The following SBF2 variants were observed in gnomAD, a reference collection of about 807,000 sequenced individuals.
SBF2 encodes myotubularin-related protein 13.
Under a neutral mutation model 225.2 loss-of-function variants are expected in SBF2, and 112 were observed. The observed-to-expected ratio is 0.50, with a 90% CI of 0.43 to 0.58. The LOEUF (loss-of-function observed/expected upper bound fraction) is 0.58, where lower values mean the gene tolerates loss of function less well. Ranked by LOEUF, SBF2 falls within the 20% of genes least tolerant of loss-of-function variation. SBF2 has a pLI of 0.00. For missense variants in SBF2, 1,996 were observed against 2,206.2 expected (o/e 0.90, Z 1.91); for synonymous variants, 763 against 773.3 (o/e 0.99, Z 0.22).
intron 17 of SBF2, among the ~76,000 whole-genome samples, chr11:9,863,632 G>C (rs1254027051): frequency 6.6e-6 from 1 of 151,976 alleles, no homozygotes; most frequent in Non-Finnish European, 1.5e-5. Context: ...GATGAAATTG[G>C]GAGTCTTTCT....
At chr11:9,930,601 T>C (rs548246604) in intron 16 of SBF2, among the ~76,000 whole-genome samples, 7 of 152,204 alleles carry the variant, frequency 4.6e-5, no homozygotes, top group Non-Finnish European at 8.8e-5. Flanking sequence ...TCTATACATG[T>C]TAAAAAGTTA....
At chr11:9,823,273 T>G (rs1276210749) in intron 28 of SBF2, among the ~76,000 whole-genome samples, 1 of 152,142 alleles carries the variant, frequency 6.6e-6, no homozygotes, top group Non-Finnish European at 1.5e-5. Context: ...GATGCAGCCC[T>G]TGTATTAGGA....
chr11:10,248,186 A>G (rs558327297), intron 1 of SBF2, among the ~76,000 whole-genome samples: 41 of 152,342 alleles, frequency 2.7e-4, no homozygotes, highest in Admixed American at 2.0e-3. Flanking sequence ...GAGATTTTAT[A>G]TATGAAAGGA....
chr11:10,165,987 A>T (rs560712055), intron 2 of SBF2, among the ~76,000 whole-genome samples: 1 of 152,314 alleles, frequency 6.6e-6, no homozygotes, highest in South Asian at 2.1e-4. Flanking sequence ...AATATGTATC[A>T]ATGAAGGCGA....
chr11:9,850,773 A>C (rs992134111), intron 21 of SBF2, among the ~76,000 whole-genome samples: 39 of 152,214 alleles, frequency 2.6e-4, no homozygotes, highest in African/African-American at 9.4e-4. Context: ...AAATATCTGA[A>C]ATATTCATTC....
intron 2 of SBF2, among the ~76,000 whole-genome samples, chr11:10,163,911 T>C (rs1292258988): frequency 1.3e-5 from 2 of 152,190 alleles, no homozygotes; most frequent in African/African-American, 4.8e-5. Context: ...GTCCATGATA[T>C]TGACCACTGT....
At chr11:9,794,145 G>A (rs1172677090) in intron 33 of SBF2, among the ~76,000 whole-genome samples, 5 of 151,944 alleles carry the variant, frequency 3.3e-5, no homozygotes, top group African/African-American at 9.7e-5. Context: ...TCCTGCCACC[G>A]CACTCCAGCC....
At chr11:10,210,035 T>G (rs1225086565) in intron 1 of SBF2, among the ~76,000 whole-genome samples, 3 of 152,156 alleles carry the variant, frequency 2.0e-5, no homozygotes, top group Non-Finnish European at 4.4e-5. Flanking sequence ...CTGGGCACAG[T>G]GGCTCATGCC....
At chr11:10,211,746 G>A (rs991214317) in intron 1 of SBF2, among the ~76,000 whole-genome samples, 2 of 152,212 alleles carry the variant, frequency 1.3e-5, no homozygotes, top group Admixed American at 1.3e-4. Flanking sequence ...GCAATATGAT[G>A]ACGGTGTACT....
chr11:10,252,335 C>T (rs1025169792), intron 1 of SBF2, among the ~76,000 whole-genome samples: 3 of 152,224 alleles, frequency 2.0e-5, no homozygotes, highest in Non-Finnish European at 4.4e-5. Context: ...GAGAAGGACT[C>T]TGTACTTCTA....
At chr11:10,175,059 G>C (rs1316117963) in intron 2 of SBF2, among the ~76,000 whole-genome samples, 1 of 151,894 alleles carries the variant, frequency 6.6e-6, no homozygotes, top group African/African-American at 2.4e-5. Flanking sequence ...GCAAAATCAT[G>C]CCAAAATGTA....
chr11:10,180,075 G>C (rs796548344), intron 2 of SBF2, among the ~76,000 whole-genome samples: 1 of 151,992 alleles, frequency 6.6e-6, no homozygotes, highest in East Asian at 1.9e-4. Flanking sequence ...GTCTTGAAAA[G>C]TCCTTGTGGT....
rs1231693413 is a variant in SBF2, at chr11:10,243,875, G to T, written c.56-49888C>A. Reference sequence around the variant, plus strand: ...GGATAAATTCTACCAAACATTTAAAGAATTATCACCAATTCTTCTTAAATT... The same window carrying T: ...GGATAAATTCTACCAAACATTTAAATAATTATCACCAATTCTTCTTAAATT... On this transcript the variant is annotated intron_variant, in intron 1 of 39. Coordinates refer to ENST00000256190, the MANE Select transcript of SBF2 (RefSeq NM_030962.4). Among the ~76,000 whole-genome samples, 3 of 152,066 alleles carry T rather than the reference G, an allele frequency of 2.0e-5. No individual in the cohort carries two copies. In the East Asian group the frequency reaches 5.8e-4, roughly 29 times the overall value.
chr11:10,034,776 G>A (rs1949375003), intron 3 of SBF2, among the ~76,000 whole-genome samples: 1 of 152,134 alleles, frequency 6.6e-6, no homozygotes, highest in East Asian at 1.9e-4. Context: ...TCTCAGTAAA[G>A]CAATTTAAGA....
chr11:10,187,270 CCT>C (rs760505222), intron 2 of SBF2, among the ~76,000 whole-genome samples: 2 of 151,252 alleles, frequency 1.3e-5, no homozygotes, highest in East Asian at 3.9e-4. Flanking sequence ...TTCTCTTTTT[CCT>C]CTCTCTCCTC....
At chr11:10,156,361 G>T (rs148102488) in intron 2 of SBF2, among the ~76,000 whole-genome samples, 1 of 152,218 alleles carries the variant, frequency 6.6e-6, no homozygotes, top group African/African-American at 2.4e-5. Context: ...CCCTCGGCGC[G>T]AACAGCCTGG....
chr11:9,864,640 G>A (rs1348241834), intron 17 of SBF2, among the ~76,000 whole-genome samples: 2 of 152,100 alleles, frequency 1.3e-5, no homozygotes, highest in East Asian at 1.9e-4. Context: ...TCCCGCCTCG[G>A]CCACCCAAAG....
At chr11:9,842,865 T>C (rs1590202253) in intron 24 of SBF2, 95 bp from the exon 25 acceptor site, 10 of 1,264,642 alleles carry the variant, frequency 7.9e-6, no homozygotes. Flanking sequence ...TCTTCTCCTT[T>C]CCCACAGCCA....
chr11:9,855,333 T>G (rs1232095834), intron 19 of SBF2, among the ~76,000 whole-genome samples: 2 of 152,080 alleles, frequency 1.3e-5, no homozygotes, highest in Non-Finnish European at 2.9e-5. Flanking sequence ...ATGAAGTACC[T>G]AGGATAACAA....
Sources: gnomAD v4.1 joint callset for allele counts (sites outside exome capture counted in the v4.1 genomes callset) on GRCh38, gnomAD v4.1.1 for gene constraint, MANE v1.5 for transcripts, NCBI Gene and HGNC (gene_info 2026-07-23, HGNC 2026-07-21) for gene names.